The following TRPM3 variants were observed in gnomAD, a reference collection of about 807,000 sequenced individuals.
The protein encoded by TRPM3 is long transient receptor potential channel 3.
Under a neutral mutation model 181.2 loss-of-function variants are expected in TRPM3, and 77 were observed. The ratio of observed to expected loss-of-function variants is 0.42; its 90% CI spans 0.35 to 0.51. The LOEUF (loss-of-function observed/expected upper bound fraction) is 0.51. Ranked by LOEUF, TRPM3 falls within the 20% of genes least tolerant of loss-of-function variation. The pLI is 0.01. For synonymous variants in TRPM3, 745 were observed against 796.4 expected (o/e 0.94, Z 1.09); for missense variants, 1,759 against 2,196.7 (o/e 0.80, Z 3.98).
chr9:71,360,378 G>T (rs1347416907), intron 1 of TRPM3, among the ~76,000 whole-genome samples: 2 of 152,100 alleles, frequency 1.3e-5, no homozygotes, highest in African/African-American at 4.8e-5. Flanking sequence ...CTGAGTACAG[G>T]ATCATGAAAG....
At chr9:70,831,457 A>G (rs10081686) in intron 5 of TRPM3, among the ~76,000 whole-genome samples, 63,051 of 150,222 alleles carry the variant, frequency 0.42, 13,561 homozygotes, top group African/African-American at 0.47. Flanking sequence ...ATAATTTGTA[A>G]GTGTACTGGA....
At chr9:71,403,574 C>G (rs187476987) in intron 1 of TRPM3, among the ~76,000 whole-genome samples, 2 of 152,124 alleles carry the variant, frequency 1.3e-5, no homozygotes, top group African/African-American at 4.8e-5. Context: ...CTCACATTTT[C>G]GTTGACGCTT....
At chr9:70,666,035 C>A (rs1436835272) in intron 9 of TRPM3, among the ~76,000 whole-genome samples, 1 of 152,180 alleles carries the variant, frequency 6.6e-6, no homozygotes, top group African/African-American at 2.4e-5. Context: ...ACAGAGGCAA[C>A]CAGAGGATTA....
chr9:71,011,065 G>A (rs1289871619), intron 1 of TRPM3, among the ~76,000 whole-genome samples: 1 of 152,016 alleles, frequency 6.6e-6, no homozygotes, highest in South Asian at 2.1e-4. Context: ...GGCACAGAAA[G>A]ACAAACACTA....
chr9:70,939,906 T>C (rs2133537962), intron 1 of TRPM3, among the ~76,000 whole-genome samples: 1 of 152,322 alleles, frequency 6.6e-6, no homozygotes, highest in East Asian at 1.9e-4. Context: ...TGGAATTGCA[T>C]TCAATAAGAC....
At chr9:71,089,852 C>T (rs2065908709) in intron 1 of TRPM3, among the ~76,000 whole-genome samples, 1 of 152,032 alleles carries the variant, frequency 6.6e-6, no homozygotes, top group Non-Finnish European at 1.5e-5. Flanking sequence ...GAGAGGAGCT[C>T]TACATCAGGG....
chr9:71,025,425 CAT>C (rs1401014708), intron 1 of TRPM3, among the ~76,000 whole-genome samples: 2 of 152,276 alleles, frequency 1.3e-5, no homozygotes, highest in Non-Finnish European at 2.9e-5. Context: ...GCAAGGAACA[CAT>C]GATTCATCGG....
chr9:70,604,287 G>A (rs1202439445), intron 19 of TRPM3, among the ~76,000 whole-genome samples: 1 of 152,178 alleles, frequency 6.6e-6, no homozygotes, highest in Non-Finnish European at 1.5e-5. Flanking sequence ...CAAGGTGAGT[G>A]AAGTGCAGGG....
intron 1 of TRPM3, among the ~76,000 whole-genome samples, chr9:71,032,107 ATATT>A (rs1565025273): frequency 3.2e-5 from 3 of 93,970 alleles, no homozygotes; most frequent in African/African-American, 1.3e-4. Context: ...AATATTATAT[ATATT>A]ATATTATATA....
intron 1 of TRPM3, among the ~76,000 whole-genome samples, chr9:71,351,523 A>G (rs2091622152): frequency 6.6e-6 from 1 of 152,216 alleles, no homozygotes; most frequent in Admixed American, 6.5e-5. Context: ...TCCAATTTAA[A>G]TGTCTGTCAA....
chr9:71,395,184 C>T (rs547303678), intron 1 of TRPM3, among the ~76,000 whole-genome samples: 13 of 152,300 alleles, frequency 8.5e-5, no homozygotes, highest in African/African-American at 3.1e-4. Context: ...AGCTCAAGTC[C>T]ACATCTATCT....
chr9:70,911,259 A>G (rs769414325), intron 1 of TRPM3, among the ~76,000 whole-genome samples: 1 of 152,150 alleles, frequency 6.6e-6, no homozygotes, highest in Non-Finnish European at 1.5e-5. Flanking sequence ...TTCAATTACT[A>G]TTGGTGTTCC....
At chr9:70,627,372 A>C (rs962103424) in intron 12 of TRPM3, among the ~76,000 whole-genome samples, 1 of 146,538 alleles carries the variant, frequency 6.8e-6, no homozygotes, top group East Asian at 2.1e-4. Flanking sequence ...TCCTGGGTTC[A>C]AGTGATTCTC....
intron 1 of TRPM3, among the ~76,000 whole-genome samples, chr9:71,423,451 C>G (rs369185396): frequency 6.6e-6 from 1 of 152,006 alleles, no homozygotes; most frequent in African/African-American, 2.4e-5. Context: ...TCTGAGTAAC[C>G]ATTCCTTTGT....
rs116594378 is a variant in TRPM3 at position 71,395,015 on chromosome 9, T to C, written c.183+51638A>G. Among the ~76,000 whole-genome samples the C allele has an allele frequency of 9.0e-4, 137 of 152,310 alleles. 1 individual carries two copies. Among genetic ancestry groups the C allele is most frequent in the African/African-American group, 3.2e-3 (134 of 41,568 alleles). On this transcript the variant is annotated intron_variant, in intron 1 of 24. Transcript: ENST00000357533. ...TTGCCCCTGCAACTGGAAGTACCACTGTCATTTAGTACTCAAAAGCCAGGG... is the reference window on the plus strand; with the variant it reads ...TTGCCCCTGCAACTGGAAGTACCACCGTCATTTAGTACTCAAAAGCCAGGG...
intron 1 of TRPM3, among the ~76,000 whole-genome samples, chr9:71,204,893 A>T (rs2131754146): frequency 6.6e-6 from 1 of 152,306 alleles, no homozygotes; most frequent in Non-Finnish European, 1.5e-5. Flanking sequence ...ATTTAAAAGG[A>T]TGAGTTCATG....
At chr9:71,374,509 T>C (rs116015067) in intron 1 of TRPM3, among the ~76,000 whole-genome samples, 2,216 of 152,288 alleles carry the variant, frequency 0.015, 66 homozygotes, top group African/African-American at 0.05. Context: ...GGACAAAAGC[T>C]GGAAGCATTT....
intron 1 of TRPM3, among the ~76,000 whole-genome samples, chr9:71,445,314 A>T (rs1172150251): frequency 1.3e-5 from 2 of 152,214 alleles, no homozygotes; most frequent in Non-Finnish European, 2.9e-5. Flanking sequence ...CATGAATTTT[A>T]TATTTTCCAC....
chr9:71,182,808 C>T (rs186441628), intron 1 of TRPM3, among the ~76,000 whole-genome samples: 6 of 152,036 alleles, frequency 3.9e-5, no homozygotes, highest in African/African-American at 7.2e-5. Context: ...ATTACAGGCA[C>T]GCATCACCAC....
Sources: gnomAD v4.1 joint callset for allele counts (sites outside exome capture counted in the v4.1 genomes callset) on GRCh38, gnomAD v4.1.1 for gene constraint, MANE v1.5 for transcripts, NCBI Gene and HGNC (gene_info 2026-07-23, HGNC 2026-07-21) for gene names.